The following SHISA9 variants were observed in gnomAD, a reference collection of about 807,000 sequenced individuals.
The protein encoded by SHISA9 is protein shisa-9.
Under a neutral mutation model 38.0 loss-of-function variants are expected in SHISA9, and 13 were observed. The observed-to-expected ratio is 0.34, with a 90% confidence interval of 0.22 to 0.54. The LOEUF (loss-of-function observed/expected upper bound fraction) is 0.54, where lower values mean the gene tolerates loss of function less well. Among genes scored for constraint, SHISA9 ranks in the 20% least tolerant of loss-of-function variants. SHISA9 has a pLI of 0.91. For missense variants in SHISA9, 538 were observed against 575.8 expected (o/e 0.93, Z 0.67); for synonymous variants, 275 against 242.0 (o/e 1.14, Z -1.27).
At chr16:13,051,421 A>T (rs1376254454) in intron 2 of SHISA9, among the ~76,000 whole-genome samples, 1 of 152,040 alleles carries the variant, frequency 6.6e-6, no homozygotes. Flanking sequence ...ATTCAAGGAG[A>T]GATTTGGATG....
intron 2 of SHISA9, among the ~76,000 whole-genome samples, chr16:13,106,316 A>C (rs1477763428): frequency 6.6e-6 from 1 of 152,172 alleles, no homozygotes; most frequent in Non-Finnish European, 1.5e-5. Flanking sequence ...ATGAAGCCTG[A>C]TGTACAGTAG....
chr16:13,237,837 C>G lies in SHISA9; in HGVS notation c.*2428C>G, dbSNP rs1202320908. 1 of 152,062 alleles carries G rather than the reference C, an allele frequency of 6.6e-6. No individual in the cohort carries two copies. The highest frequency in any genetic ancestry group is 1.9e-4 in the East Asian group (1 of 5,180). The allele number at this position is 152,062 out of a possible 1,614,324, so 9.4% of individuals were successfully genotyped here. On this transcript the variant is annotated 3_prime_UTR_variant, in exon 5 of 5. Transcript: ENST00000558583. The stretch of plus-strand genomic sequence containing the variant: ...TCAAGTAAATACCACTGGGCATGGT[C>G]AGAGTTTCCTTGACGTTAATGAGCT...
At chr16:13,040,071 A>G (rs922456904) in intron 2 of SHISA9, among the ~76,000 whole-genome samples, 2 of 152,136 alleles carry the variant, frequency 1.3e-5, no homozygotes, top group Non-Finnish European at 2.9e-5. Context: ...CTCCTCCCAG[A>G]TTTCCCTGAT....
At chr16:13,175,514 C>A (rs2050724412) in intron 2 of SHISA9, among the ~76,000 whole-genome samples, 1 of 152,148 alleles carries the variant, frequency 6.6e-6, no homozygotes, top group African/African-American at 2.4e-5. Flanking sequence ...GTGAGACACG[C>A]CCAGGTGAGG....
chr16:13,386,130 T>C, the SHISA9 span, among the ~76,000 whole-genome samples: 1 of 152,108 alleles, frequency 6.6e-6, no homozygotes, highest in Admixed American at 6.5e-5. Flanking sequence ...CACACACAAA[T>C]GAGTACAAGT....
chr16:13,034,062 T>C (rs2073023966), intron 2 of SHISA9, among the ~76,000 whole-genome samples: 1 of 151,826 alleles, frequency 6.6e-6, no homozygotes, highest in Non-Finnish European at 1.5e-5. Flanking sequence ...GGAGAGTCGC[T>C]TGAACCTGGG....
chr16:13,241,746 T>C (rs927041641), downstream of SHISA9, among the ~76,000 whole-genome samples: 29 of 152,172 alleles, frequency 1.9e-4, no homozygotes, highest in Non-Finnish European at 5.9e-5. Flanking sequence ...ATCTTTACTC[T>C]GGGATTTGGA....
At chr16:13,477,431 T>A in the SHISA9 span, among the ~76,000 whole-genome samples, 40,666 of 152,008 alleles carry the variant, frequency 0.27, 5,799 homozygotes, top group African/African-American at 0.36. Flanking sequence ...GAGCAATCCA[T>A]ATAAAATCAC....
rs1269515600 is a variant in SHISA9 at position 13,235,302 on chromosome 16, G to A, written c.1168G>A (p.Gly390Ser). The change falls in exon 5 of 5, where the codon GGC (glycine) becomes AGC (serine). Residue 390 changes from glycine to serine, a missense_variant. Coordinates refer to ENST00000558583, the MANE Select transcript of SHISA9 (RefSeq NM_001145204.3). ...GGCTTACAGCAACAAGGGCAAGCTT[G>A]GCACGGCCGAGACAGGCTCCAGCGA... ...RQAYSNKGKL[G>S]TAETGSSDPL... 5 of 1,550,840 alleles carry A rather than the reference G, an allele frequency of 3.2e-6. No individual in the cohort carries two copies. Among genetic ancestry groups the A allele is most frequent in the Non-Finnish European group, 3.5e-6 (4 of 1,147,006 alleles).
chr16:13,233,916 T>G (rs1432790063), intron 4 of SHISA9, among the ~76,000 whole-genome samples: 2 of 152,080 alleles, frequency 1.3e-5, no homozygotes, highest in African/African-American at 4.8e-5. Context: ...CTCAGGAGAA[T>G]CATCTGAACC....
At chr16:13,050,709 TG>T (rs2073241290) in intron 2 of SHISA9, among the ~76,000 whole-genome samples, 1 of 152,230 alleles carries the variant, frequency 6.6e-6, no homozygotes, top group South Asian at 2.1e-4. Flanking sequence ...AGAATCTAAC[TG>T]GGGAAGCCAG....
the SHISA9 span, among the ~76,000 whole-genome samples, chr16:13,542,592 G>GC: frequency 9.9e-4 from 150 of 152,006 alleles, no homozygotes; most frequent in African/African-American, 3.4e-3. Flanking sequence ...GAATAAGTAT[G>GC]CCCCCCCCTA....
chr16:13,264,939 C>A, the SHISA9 span, among the ~76,000 whole-genome samples: 1 of 149,372 alleles, frequency 6.7e-6, no homozygotes, highest in African/African-American at 2.5e-5. Context: ...CTCGCTCCTC[C>A]TTTTCTCGTC....
chr16:13,438,294 C>T, the SHISA9 span, among the ~76,000 whole-genome samples: 1 of 152,128 alleles, frequency 6.6e-6, no homozygotes, highest in Non-Finnish European at 1.5e-5. Flanking sequence ...GAGGTTTAGA[C>T]GAGGTTAAGT....
chr16:13,083,929 C>G (rs74689980), intron 2 of SHISA9, among the ~76,000 whole-genome samples: 8,034 of 152,084 alleles, frequency 0.053, 354 homozygotes, highest in Admixed American at 0.14. Flanking sequence ...GGTTTCAAAG[C>G]GGGAGGGAGG....
chr16:13,508,784 A>G, the SHISA9 span, among the ~76,000 whole-genome samples: 388 of 152,328 alleles, frequency 2.5e-3, 2 homozygotes, highest in African/African-American at 8.9e-3. Context: ...ATGAGGAGAA[A>G]GACATAATTT....
chr16:13,360,784 T>G, the SHISA9 span, among the ~76,000 whole-genome samples: 1 of 152,126 alleles, frequency 6.6e-6, no homozygotes, highest in East Asian at 1.9e-4. Context: ...CTGCAACCAG[T>G]GGGTGATGGG....
chr16:13,344,523 G>T, the SHISA9 span, among the ~76,000 whole-genome samples: 41 of 152,080 alleles, frequency 2.7e-4, no homozygotes, highest in Admixed American at 2.0e-4. Context: ...CTAAAGATCA[G>T]ATCCTTGCAA....
At chr16:13,546,720 G>A in the SHISA9 span, among the ~76,000 whole-genome samples, 1 of 152,148 alleles carries the variant, frequency 6.6e-6, no homozygotes, top group African/African-American at 2.4e-5. Context: ...TCCTGTTTTT[G>A]TAAAGACAGT....
Sources: gnomAD v4.1 joint callset for allele counts (sites outside exome capture counted in the v4.1 genomes callset) on GRCh38, gnomAD v4.1.1 for gene constraint, MANE v1.5 for transcripts, NCBI Gene and HGNC (gene_info 2026-07-23, HGNC 2026-07-21) for gene names.